Variants in CNOT9 observed in about 807,000 individuals in gnomAD.
The protein encoded by CNOT9 is RCD1 required for cell differentiation1 homolog.
Under a neutral mutation model 37.4 loss-of-function variants are expected in CNOT9, and 8 were observed. The ratio of observed to expected loss-of-function variants is 0.21; its 90% CI spans 0.13 to 0.39. The LOEUF is 0.39. CNOT9 is among the 10% of genes least tolerant of loss of function. The pLI is 1.00. For synonymous variants in CNOT9, 120 were observed against 137.6 expected (o/e 0.87, Z 0.90); for missense variants, 154 against 365.3 (o/e 0.42, Z 4.71).
rs1491129152 is a variant in CNOT9 at position 218,583,189 on chromosome 2, A to AG, written c.320+103_320+104insG. ...AGGGCATGGAGGAGAGAGAGAGAGAACGTTTGTGTGTGTGTGTGTGTGTGT... is the reference window on the plus strand; with the variant it reads ...AGGGCATGGAGGAGAGAGAGAGAGAAGCGTTTGTGTGTGTGTGTGTGTGTGT... On this transcript the variant is annotated intron_variant, in intron 3 of 7. Transcript: ENST00000273064. 5.6e-4 allele frequency: 340 copies of AG among 611,946 alleles called. 15 individuals carry two copies. In the East Asian group the frequency reaches 6.4e-3, roughly 11 times the overall value. 37.9% of individuals were successfully genotyped at this position (611,946 alleles called of 1,614,324 possible). A position where few individuals can be genotyped will look rare whatever the true frequency, so the allele number is the denominator to read the frequency against.
At chr2:218,593,383 C>A in intron 7 of CNOT9, 1 of 476,022 alleles carries the variant, frequency 2.1e-6, no homozygotes, top group Non-Finnish European at 3.7e-6. Context: ...CCATTTTATC[C>A]TGTTCTTCAG....
At chr2:218,576,256 C>A (rs1255293148) in intron 1 of CNOT9, among the ~76,000 whole-genome samples, 2 of 151,964 alleles carry the variant, frequency 1.3e-5, no homozygotes, top group Non-Finnish European at 2.9e-5. Flanking sequence ...TTAGGAATGT[C>A]CAAAATATTT....
At chr2:218,578,682 C>T (rs1694259293) in intron 1 of CNOT9, among the ~76,000 whole-genome samples, 1 of 152,126 alleles carries the variant, frequency 6.6e-6, no homozygotes. Context: ...TTTTATTTCT[C>T]ATGGTTGGGG....
At chr2:218,589,384 AG>A (rs1004885707) in intron 5 of CNOT9, 2 of 152,324 alleles carry the variant, frequency 1.3e-5, no homozygotes, top group African/African-American at 2.4e-5. Flanking sequence ...TCTGTCACCC[AG>A]GCTGGAGTAG....
chr2:218,576,681 T>G (rs1034054310), intron 1 of CNOT9, among the ~76,000 whole-genome samples: 1 of 152,168 alleles, frequency 6.6e-6, no homozygotes, highest in African/African-American at 2.4e-5. Context: ...AGGAAGTCAT[T>G]TTTAGGCTGA....
At chr2:218,593,472 A>T in intron 7 of CNOT9, 6 of 1,150,402 alleles carry the variant, frequency 5.2e-6, no homozygotes, top group Non-Finnish European at 7.0e-6. Flanking sequence ...CTGAGTGCAA[A>T]AACTATAACT....
rs1402691624 is a variant in CNOT9, at chr2:218,592,729, A to T, written c.731+22A>T. 1.9e-6 allele frequency: 3 copies of T among 1,581,152 alleles called. No individual in the cohort carries two copies. The South Asian group carries it at 3.3e-5, about 17-fold the overall frequency. The stretch of plus-strand genomic sequence containing the variant: ...CCAGGTAAACATTTATAGGATGTAT[A>T]GGACTTTAGGGAAATACTCTGCTGA... On this transcript the variant is annotated intron_variant, in intron 7 of 7. Transcript: ENST00000273064. The surrounding 1 kb of genome is among the most constrained non-coding windows in gnomAD (Gnocchi z 4.1).
Position 218,582,763 on chromosome 2 carries a change from G to A in CNOT9, c.205-208G>A, listed in dbSNP as rs1056002295. Among the ~76,000 whole-genome samples, 13 of 152,146 alleles carry A rather than the reference G, an allele frequency of 8.5e-5. No homozygotes were observed. The South Asian group carries it at 1.9e-3, about 22-fold the overall frequency. ...AAAAAAAATCTTCCTAGAGACAAAT[G>A]TAGAAATGTCTTAGCTAGTCTCAGC... On this transcript the variant is annotated intron_variant, in intron 2 of 7. Transcript: ENST00000273064.
chr2:218,581,959 G>A (rs1694400786), intron 2 of CNOT9, among the ~76,000 whole-genome samples: 1 of 152,006 alleles, frequency 6.6e-6, no homozygotes, highest in African/African-American at 2.4e-5. Context: ...GTACACTCCT[G>A]TAATCCCAGC....
chr2:218,574,143 T>C (rs1474734863), intron 1 of CNOT9: 2 of 308,350 alleles, frequency 6.5e-6, no homozygotes, highest in South Asian at 4.7e-5. Flanking sequence ...CTAATTTTTG[T>C]ATTTTTAGTA....
chr2:218,569,129 G>A, intron 1 of CNOT9, 151 bp downstream of exon 1: 1 of 828,480 alleles, frequency 1.2e-6, no homozygotes, highest in Non-Finnish European at 1.9e-6. Flanking sequence ...GGCACGCTTT[G>A]GTTGTGGTGG....
At chr2:218,582,367 G>A (rs2106088113) in intron 2 of CNOT9, among the ~76,000 whole-genome samples, 1 of 152,200 alleles carries the variant, frequency 6.6e-6, no homozygotes, top group South Asian at 2.1e-4. Context: ...AATATAAGAG[G>A]AAGTGTAGAT....
intron 1 of CNOT9, among the ~76,000 whole-genome samples, 165 bp downstream of exon 1, chr2:218,569,143 C>T (rs1051606364): frequency 6.6e-5 from 10 of 152,228 alleles, no homozygotes; most frequent in Admixed American, 5.2e-4. Flanking sequence ...GTGGTGGAGC[C>T]GGCCCCTATT....
Position 218,592,229 on chromosome 2 carries a change from C to T in CNOT9, c.541-75C>T. On this transcript the variant is annotated intron_variant, in intron 5 of 7. Coordinates refer to ENST00000273064, the MANE Select transcript of CNOT9 (RefSeq NM_005444.3). This position sits in a 1 kb window ranked among gnomAD's most constrained non-coding sequence, Gnocchi z 4.1. ...TCAATTTTCTGACTGATAGTCATGC[C>T]TGGGAAAATGAGTAGAAAATGAGAA... 9.0e-7 allele frequency: 1 copy of T among 1,108,202 alleles called. No individual in the cohort carries two copies. The highest frequency in any genetic ancestry group is 1.3e-5 in the South Asian group (1 of 74,978). The allele number at this position is 1,108,202 out of a possible 1,614,324, so 68.6% of individuals were successfully genotyped here. A position where few individuals can be genotyped will look rare whatever the true frequency, so the allele number is the denominator to read the frequency against.
intron 1 of CNOT9, among the ~76,000 whole-genome samples, chr2:218,572,915 T>C (rs1025326216): frequency 6.6e-6 from 1 of 152,224 alleles, no homozygotes; most frequent in African/African-American, 2.4e-5. Flanking sequence ...AACACTGCAC[T>C]CTAAAGGATT....
chr2:218,586,661 G>A (rs1251200691), intron 4 of CNOT9, among the ~76,000 whole-genome samples: 1 of 151,952 alleles, frequency 6.6e-6, no homozygotes, highest in East Asian at 1.9e-4. Context: ...GCTAATTTTT[G>A]TATTTTTAAT....
At chr2:218,590,918 T>C (rs1478442312) in intron 5 of CNOT9, among the ~76,000 whole-genome samples, 3 of 152,088 alleles carry the variant, frequency 2.0e-5, no homozygotes, top group Non-Finnish European at 2.9e-5. Context: ...CTTGAACTCC[T>C]GGCCTCAAGC....
Position 218,583,193 on chromosome 2 carries a change from T to TTGTG in CNOT9, c.320+145_320+148dup, listed in dbSNP as rs745627681. 30 of 401,488 alleles carry TTGTG rather than the reference T, an allele frequency of 7.5e-5. 8 individuals are homozygous for TTGTG. In the African/African-American group the frequency reaches 8.2e-4, roughly 11 times the overall value. 24.9% of individuals were successfully genotyped at this position (401,488 alleles called of 1,614,324 possible). On this transcript the variant is annotated intron_variant, in intron 3 of 7. Transcript: ENST00000273064. ...CATGGAGGAGAGAGAGAGAGAACGT[T>TTGTG]TGTGTGTGTGTGTGTGTGTGTGTGT...
At chr2:218,583,178 A>G (rs1194694101) in intron 3 of CNOT9, 92 bp downstream of exon 3, 12 of 743,750 alleles carry the variant, frequency 1.6e-5, no homozygotes, top group Non-Finnish European at 2.8e-5. Flanking sequence ...CATGGAGGAG[A>G]GAGAGAGAGA....
Sources: allele counts gnomAD v4.1 joint callset (sites outside exome capture counted in the v4.1 genomes callset), GRCh38; gene constraint gnomAD v4.1.1; non-coding constraint Gnocchi (gnomAD v3.1); transcripts MANE v1.5; gene names NCBI Gene and HGNC (gene_info 2026-07-23, HGNC 2026-07-21).